TUBB6: variants seen among roughly 807,000 people sequenced by gnomAD.
TUBB6 encodes tubulin beta-6 chain.
Under a neutral mutation model 32.3 loss-of-function variants are expected in TUBB6, and 18 were observed. The ratio of observed to expected loss-of-function variants is 0.56; its 90% confidence interval spans 0.39 to 0.83. The LOEUF is 0.83. Ranked by LOEUF, TUBB6 falls within the 40% of genes least tolerant of loss-of-function variation. The pLI, the probability that TUBB6 is intolerant of heterozygous loss-of-function variation, is 0.00. For synonymous variants in TUBB6, 280 were observed against 265.8 expected (o/e 1.05, Z -0.52); for missense variants, 480 against 632.0 (o/e 0.76, Z 2.58).
At chr18:12,329,580 C>T (rs776786836), downstream of TUBB6, 3 of 1,614,006 alleles carry the variant, frequency 1.9e-6, no homozygotes, top group Admixed American at 3.3e-5. Flanking sequence ...TGGCAACTTT[C>T]TCACCCGGGG....
At chr18:12,320,975 A>G (rs972568464) in intron 3 of TUBB6, among the ~76,000 whole-genome samples, 4 of 152,194 alleles carry the variant, frequency 2.6e-5, no homozygotes, top group African/African-American at 9.6e-5. Flanking sequence ...TCAGCAGTGC[A>G]ACTCAGGTGT....
At chr18:12,308,546 CCCCCATCCCAACTGGGAG>C (rs1906138189) in intron 1 of TUBB6, 123 bp from the exon 2 acceptor site, 1 of 762,912 alleles carries the variant, frequency 1.3e-6, no homozygotes, top group Non-Finnish European at 2.1e-6. Flanking sequence ...TCGCTCCCCA[CCCCCATCCCAACTGGGAG>C]CGGCTGCCGG....
intron 3 of TUBB6, among the ~76,000 whole-genome samples, chr18:12,313,428 G>C (rs866825429): frequency 6.6e-6 from 1 of 152,194 alleles, no homozygotes; most frequent in South Asian, 2.1e-4. Context: ...TTGCGATCAG[G>C]TTACCAATCT....
At chr18:12,316,458 C>A (rs1568121969) in intron 3 of TUBB6, among the ~76,000 whole-genome samples, 1 of 152,210 alleles carries the variant, frequency 6.6e-6, no homozygotes, top group Admixed American at 6.5e-5. Flanking sequence ...GAAATTGCTT[C>A]TTGCATCTTT....
chr18:12,327,433 C>A (rs1198769573), downstream of TUBB6, among the ~76,000 whole-genome samples: 1 of 152,252 alleles, frequency 6.6e-6, no homozygotes, highest in African/African-American at 2.4e-5. Context: ...CATTGACTAG[C>A]TGTATTTATT....
chr18:12,329,355 G>A (rs1167498476), downstream of TUBB6: 2 of 673,072 alleles, frequency 3.0e-6, no homozygotes, highest in Non-Finnish European at 5.4e-6. Flanking sequence ...GGGACAGTGT[G>A]CATTTCCCTC....
chr18:12,323,071 C>A (rs1392339504), intron 3 of TUBB6, among the ~76,000 whole-genome samples: 1 of 151,816 alleles, frequency 6.6e-6, no homozygotes, highest in Non-Finnish European at 1.5e-5. Flanking sequence ...GTTCATTAGC[C>A]AAGTGTAGTG....
At position 12,322,590 on chromosome 18, in the gene TUBB6, GCTCA is replaced by G. The variant is rs922751737; in HGVS notation, c.278-2474_278-2471del. ...GGCTTGAAAATACTTTTTGATAATAGCTCACTATTTGATTTTTGGGATGTAACTC... is the reference window on the plus strand; with the variant it reads ...GGCTTGAAAATACTTTTTGATAATAGCTATTTGATTTTTGGGATGTAACTC... On this transcript the variant is annotated intron_variant, in intron 3 of 3. Transcript: ENST00000317702. Among the ~76,000 whole-genome samples the G allele has an allele frequency of 8.5e-5, 13 of 152,198 alleles. 1 individual carries two copies. The highest frequency in any genetic ancestry group is 2.1e-4 in the South Asian group (1 of 4,828).
chr18:12,323,459 C>T (rs1907090047), intron 3 of TUBB6, among the ~76,000 whole-genome samples: 1 of 152,114 alleles, frequency 6.6e-6, no homozygotes, highest in African/African-American at 2.4e-5. Context: ...GCCAATCTTT[C>T]AGATTCAATT....
Position 12,326,292 on chromosome 18 carries a change from A to C in TUBB6, c.*162A>C. The C allele has an allele frequency of 8.9e-7, 1 of 1,120,228 alleles. No homozygotes were observed. The highest frequency in any genetic ancestry group is 1.2e-6 in the Non-Finnish European group (1 of 814,254). 69.4% of individuals were successfully genotyped at this position (1,120,228 alleles called of 1,614,324 possible). ...TCATGTAATTAGTCATCTGGAACAAAGACTAAAAACAGCAGAGAATTGCGG... is the reference window on the plus strand; with the variant it reads ...TCATGTAATTAGTCATCTGGAACAACGACTAAAAACAGCAGAGAATTGCGG... On this transcript the variant is annotated 3_prime_UTR_variant, in exon 4 of 4. Transcript: ENST00000317702.
chr18:12,321,079 C>T (rs1474523464), intron 3 of TUBB6, among the ~76,000 whole-genome samples: 1 of 152,136 alleles, frequency 6.6e-6, no homozygotes, highest in Non-Finnish European at 1.5e-5. Flanking sequence ...ATTTCCAGTA[C>T]CTAAGCTATT....
rs756974155 is a variant in TUBB6 at position 12,308,305 on chromosome 18, G to T, written c.13G>T (p.Val5Leu). The change falls in exon 1 of 4, where the codon GTG becomes TTG. Residue 5 changes from valine (V) to leucine (L), a missense_variant. Val to Leu is a conservative substitution (Grantham distance 32). Transcript: ENST00000317702. The stretch of plus-strand genomic sequence containing the variant: ...AGCCGCGCCCGCCATGAGGGAGATC[G>T]TGCACATCCAGGCGGGCCAGTGCGG... MREI[V>L]HIQAGQCGNQ... 2.7e-6 allele frequency: 4 copies of T among 1,480,202 alleles called. No individual in the cohort carries two copies. Among genetic ancestry groups the T allele is most frequent in the Non-Finnish European group, 3.6e-6 (4 of 1,110,780 alleles). 91.7% of individuals were successfully genotyped at this position (1,480,202 alleles called of 1,614,324 possible).
intron 3 of TUBB6, among the ~76,000 whole-genome samples, chr18:12,321,161 C>G (rs1906967985): frequency 6.6e-6 from 1 of 152,036 alleles, no homozygotes; most frequent in Admixed American, 6.5e-5. Flanking sequence ...GTTTTTCTTA[C>G]TGATTTAAGG....
intron 3 of TUBB6, chr18:12,320,401 T>TG (rs1906926839): frequency 6.6e-6 from 1 of 152,228 alleles, no homozygotes; most frequent in Non-Finnish European, 1.5e-5. Context: ...AAGTAATTTT[T>TG]TTTTTCATTT....
At chr18:12,321,612 C>G (rs1315826715) in intron 3 of TUBB6, among the ~76,000 whole-genome samples, 1 of 152,186 alleles carries the variant, frequency 6.6e-6, no homozygotes, top group Non-Finnish European at 1.5e-5. Flanking sequence ...CCACGTGAAA[C>G]CAGAGAGGCT....
chr18:12,325,390 T>C lies in TUBB6; in HGVS notation c.601T>C (p.Cys201Arg). 1 of 1,614,206 alleles carries C rather than the reference T, an allele frequency of 6.2e-7. No homozygotes were observed. Among genetic ancestry groups the C allele is most frequent in the Non-Finnish European group, 8.5e-7 (1 of 1,180,022 alleles). Reference protein sequence around the residue: ...QLVENTDETYCIDNEALYDIC... With the variant: ...QLVENTDETYRIDNEALYDIC... Reference sequence around the variant, plus strand: ...GGTGGAGAATACAGACGAGACCTACTGCATCGACAACGAGGCGCTCTATGA... The same window carrying C: ...GGTGGAGAATACAGACGAGACCTACCGCATCGACAACGAGGCGCTCTATGA... Residue 201 changes from cysteine (C) to arginine (R), a missense_variant, in exon 4 of 4, where the codon TGC (cysteine) becomes CGC (arginine). Coordinates refer to ENST00000317702, the MANE Select transcript of TUBB6 (RefSeq NM_032525.3).
intron 3 of TUBB6, among the ~76,000 whole-genome samples, chr18:12,324,157 C>G (rs1287909662): frequency 1.3e-5 from 2 of 152,134 alleles, no homozygotes; most frequent in Admixed American, 1.3e-4. Flanking sequence ...ATCACAAGGT[C>G]AGGAGTTCGA....
chr18:12,308,236 C>T (rs1217795213), upstream of TUBB6: 4 of 1,299,038 alleles, frequency 3.1e-6, no homozygotes, highest in African/African-American at 1.6e-5. Flanking sequence ...GCGCAGCCGG[C>T]CCGCAGTTGC....
chr18:12,329,464 T>A (rs1458734863), downstream of TUBB6: 1 of 1,287,150 alleles, frequency 7.8e-7, no homozygotes, highest in African/African-American at 1.5e-5. Flanking sequence ...AGTGGCTGGC[T>A]AAAATCAGCG....
Sources: gnomAD v4.1 joint callset for allele counts (sites outside exome capture counted in the v4.1 genomes callset) on GRCh38, gnomAD v4.1.1 for gene constraint, MANE v1.5 for transcripts, NCBI Gene and HGNC (gene_info 2026-07-23, HGNC 2026-07-21) for gene names.